ADAP2: variants seen among roughly 807,000 people sequenced by gnomAD.
ADAP2 encodes the protein arf-GAP with dual PH domain-containing protein 2.
Under a neutral mutation model 54.9 loss-of-function variants are expected in ADAP2, and 42 were observed. The ratio of observed to expected loss-of-function variants is 0.77; its 90% CI spans 0.60 to 0.99. The LOEUF is 0.99. Among genes scored for constraint, ADAP2 ranks in the 50% least tolerant of loss-of-function variants. The pLI, the probability that ADAP2 is intolerant of heterozygous loss-of-function variation, is 0.00. For synonymous variants in ADAP2, 177 were observed against 180.1 expected (o/e 0.98, Z 0.14); for missense variants, 429 against 480.4 (o/e 0.89, Z 1.00).
chr17:30,944,823 T>C, intron 5 of ADAP2, 84 bp from the exon 6 acceptor site: 1 of 1,344,008 alleles, frequency 7.4e-7, no homozygotes, highest in South Asian at 1.3e-5. Context: ...GATTGATGCT[T>C]GTTTGCATGA....
intron 9 of ADAP2, among the ~76,000 whole-genome samples, chr17:30,955,524 T>C (rs1005407774): frequency 8.6e-5 from 13 of 151,758 alleles, no homozygotes; most frequent in Non-Finnish European, 1.6e-4. Flanking sequence ...CTAACCAACA[T>C]GGTGAAACCC....
chr17:30,952,372 C>CT (rs1251008324), intron 7 of ADAP2, among the ~76,000 whole-genome samples: 1 of 152,082 alleles, frequency 6.6e-6, no homozygotes, highest in Admixed American at 6.6e-5. Context: ...ATTTTCTTTT[C>CT]TTTTTTGTTT....
At chr17:30,950,164 C>T (rs923270796) in intron 7 of ADAP2, among the ~76,000 whole-genome samples, 2 of 152,218 alleles carry the variant, frequency 1.3e-5, no homozygotes, top group Non-Finnish European at 2.9e-5. Flanking sequence ...CCCCTCTTTG[C>T]CCTGTGATGC....
intron 4 of ADAP2, among the ~76,000 whole-genome samples, chr17:30,933,720 G>A (rs2142528529): frequency 6.6e-6 from 1 of 152,244 alleles, no homozygotes; most frequent in South Asian, 2.1e-4. Context: ...GGCTGGTCTT[G>A]AACTCCCGAC....
chr17:30,958,245 T>G lies in ADAP2; in HGVS notation c.*376T>G. 4.5e-6 allele frequency: 1 copy of G among 224,548 alleles called. No individual in the cohort carries two copies. The highest frequency in any genetic ancestry group is 9.0e-6 in the Non-Finnish European group (1 of 111,006). 13.9% of individuals were successfully genotyped at this position (224,548 alleles called of 1,614,324 possible). On this transcript the variant is annotated 3_prime_UTR_variant, in exon 11 of 11. Coordinates refer to ENST00000330889, the MANE Select transcript of ADAP2 (RefSeq NM_018404.3). ...AAAAAAAAAAAGTTTAATCTGAATC[T>G]AACCATGAGGAAATAATCAGACAAA...
At chr17:30,937,985 T>C (rs941632524) in intron 5 of ADAP2, among the ~76,000 whole-genome samples, 23 of 152,082 alleles carry the variant, frequency 1.5e-4, no homozygotes, top group Admixed American at 3.3e-4. Context: ...TGGAGAGAGT[T>C]TGGAACTGGA....
In ADAP2 at chr17:30,956,404, A is replaced by T; in HGVS notation, c.1046A>T (p.Gln349Leu). 1 of 1,614,232 alleles carries T rather than the reference A, an allele frequency of 6.2e-7. No homozygotes were observed. Among genetic ancestry groups the T allele is most frequent in the South Asian group, 1.1e-5 (1 of 91,090 alleles). ...CTCACTTGCCCCAGTGAGAAGGAACAGCAGGAATGGCTGGAAAGTTTGCGG... is the reference window on the plus strand; with the variant it reads ...CTCACTTGCCCCAGTGAGAAGGAACTGCAGGAATGGCTGGAAAGTTTGCGG... ...FVLTCPSEKEQQEWLESLRGV... is the reference protein window; with the variant it reads ...FVLTCPSEKELQEWLESLRGV... The change falls in exon 10 of 11, where the codon CAG (glutamine) becomes CTG (leucine). Residue 349 changes from glutamine to leucine, a missense_variant. Gln to Leu is a moderately radical substitution (Grantham distance 113). Coordinates refer to ENST00000330889, the MANE Select transcript of ADAP2 (RefSeq NM_018404.3).
chr17:30,922,712 C>G (rs991202359), intron 1 of ADAP2, among the ~76,000 whole-genome samples: 1 of 152,256 alleles, frequency 6.6e-6, no homozygotes, highest in Admixed American at 6.5e-5. Context: ...CCCTTCACTT[C>G]CACGTCGCGC....
intron 4 of ADAP2, among the ~76,000 whole-genome samples, chr17:30,932,640 T>C (rs528397105): frequency 1.3e-5 from 2 of 151,454 alleles, no homozygotes; most frequent in East Asian, 3.9e-4. Context: ...TGCAGTAGCA[T>C]GATCTCAGCT....
At chr17:30,929,978 A>G (rs555292422) in intron 3 of ADAP2, among the ~76,000 whole-genome samples, 24 of 152,158 alleles carry the variant, frequency 1.6e-4, no homozygotes, top group Non-Finnish European at 3.2e-4. Context: ...TGGCCTCCCA[A>G]AGTGCTGGGA....
In ADAP2 at chr17:30,945,035, G is replaced by A. The variant is rs1416085182; in HGVS notation, c.639G>A (p.Val213=). The A allele has an allele frequency of 6.2e-7, 1 of 1,613,974 alleles. No individual in the cohort carries two copies. The highest frequency in any genetic ancestry group is 8.5e-7 in the Non-Finnish European group (1 of 1,179,972). ...ATGGCCACACCAGGAACCTGTTTGT[G>A]TATCATGAAAGTGGGAAGGTGAGAT... The part of the protein sequence containing the change: ...RRDGHTRNLF[V]YHESGKEIVD... The change falls in exon 6 of 11, where the codon GTG becomes GTA. Residue 213 remains valine, a synonymous_variant. Coordinates refer to ENST00000330889, the MANE Select transcript of ADAP2 (RefSeq NM_018404.3).
In ADAP2 at chr17:30,954,492, CA is replaced by C. The variant is rs556426891; in HGVS notation, c.821del (p.Lys274ArgfsTer91). 99 of 1,613,886 alleles carry C rather than the reference CA, an allele frequency of 6.1e-5. No homozygotes were observed. Among genetic ancestry groups the C allele is most frequent in the Non-Finnish European group, 8.1e-5 (95 of 1,179,902 alleles). ...KTGPKQKEPF[K>X]KRWFALDCHE... ...CTCTTTTGCAGCAGAAAGAACCTTT[CA>C]AGAAAAGGTGGTTCGCCCTGGATTG... On this transcript the variant is annotated frameshift_variant, in exon 9 of 11. Transcript: ENST00000330889. LOFTEE classifies it high-confidence loss of function.
intron 6 of ADAP2, 60 bp from the exon 7 acceptor site, chr17:30,949,227 T>G: frequency 7.0e-7 from 1 of 1,427,384 alleles, no homozygotes; most frequent in Non-Finnish European, 9.9e-7. Context: ...CCACCAGAGG[T>G]AGCTTCCCAC....
chr17:30,940,243 A>G (rs1912170057), intron 5 of ADAP2, among the ~76,000 whole-genome samples: 1 of 151,996 alleles, frequency 6.6e-6, no homozygotes, highest in African/African-American at 2.4e-5. Flanking sequence ...GATAACAGAC[A>G]TAAGTCACCA....
At chr17:30,926,744 CTCAGCCTAAG>C in intron 2 of ADAP2, 73 bp from the exon 3 acceptor site, 3 of 1,264,972 alleles carry the variant, frequency 2.4e-6, no homozygotes, top group Non-Finnish European at 3.5e-6. Flanking sequence ...TTTCTTCTGA[CTCAGCCTAAG>C]TCAGTGGCCT....
At chr17:30,937,711 G>T (rs1186571018) in intron 5 of ADAP2, among the ~76,000 whole-genome samples, 4 of 152,184 alleles carry the variant, frequency 2.6e-5, no homozygotes, top group Non-Finnish European at 5.9e-5. Flanking sequence ...AGAGGCAATA[G>T]AATTTATTGA....
In ADAP2 at chr17:30,921,961, C is replaced by T. The variant is rs1209116975; in HGVS notation, c.-54C>T. 1.7e-6 allele frequency: 2 copies of T among 1,185,156 alleles called. No individual in the cohort carries two copies. Among genetic ancestry groups the T allele is most frequent in the African/African-American group, 1.6e-5 (1 of 63,062 alleles). The allele number at this position is 1,185,156 out of a possible 1,614,324, so 73.4% of individuals were successfully genotyped here. On this transcript the variant is annotated 5_prime_UTR_variant, in exon 1 of 11. Transcript: ENST00000330889. The stretch of plus-strand genomic sequence containing the variant: ...CGCGGCCGGGTCCCTCTCCACCTGC[C>T]GGGCGGAGCGCACGGGCCATGGGCT...
chr17:30,953,698 G>A (rs748068643), intron 8 of ADAP2, among the ~76,000 whole-genome samples: 3 of 151,768 alleles, frequency 2.0e-5, no homozygotes, highest in African/African-American at 4.8e-5. Flanking sequence ...CACCATGCCC[G>A]GCTAATTTTT....
At chr17:30,930,045 CTTATTTATTTATTTAT>C (rs35101958) in intron 3 of ADAP2, among the ~76,000 whole-genome samples, 108 of 140,430 alleles carry the variant, frequency 7.7e-4, no homozygotes, top group African/African-American at 2.2e-3. Flanking sequence ...CGACAGAAAC[CTTATTTATTTATTTAT>C]TTATTTATTT....
Sources: gnomAD v4.1 joint callset for allele counts (sites outside exome capture counted in the v4.1 genomes callset) on GRCh38, gnomAD v4.1.1 for gene constraint, MANE v1.5 for transcripts, NCBI Gene and HGNC (gene_info 2026-07-23, HGNC 2026-07-21) for gene names.